KLHL13: variants seen among roughly 807,000 people sequenced by gnomAD.
KLHL13 encodes kelch like family member 13.
In KLHL13, 10 loss-of-function variants were observed where a neutral mutation model predicts 37.1. That is an observed-to-expected ratio of 0.27 (90% CI 0.17 to 0.46). The LOEUF is 0.46. Ranked by LOEUF, KLHL13 falls within the 20% of genes least tolerant of loss-of-function variation. KLHL13 has a pLI of 1.00. For missense variants in KLHL13, 360 were observed against 509.3 expected, an observed-to-expected ratio of 0.71 and a Z score of 2.82; for synonymous variants, 163 against 181.2, an observed-to-expected ratio of 0.90 and a Z score of 0.81.
chrX:117,934,431 G>A (rs926672032), intron 2 of KLHL13, among the ~76,000 whole-genome samples: 2 of 111,399 alleles, frequency 1.8e-5, no homozygotes, highest in African/African-American at 3.3e-5. Flanking sequence ...TATGTTTAGG[G>A]AATAGTGAAA....
At chrX:117,993,924 C>T (rs1363058499) in intron 1 of KLHL13, among the ~76,000 whole-genome samples, 9 of 108,726 alleles carry the variant, frequency 8.3e-5, no homozygotes, top group African/African-American at 1.3e-4. Flanking sequence ...GTAGTAGAGA[C>T]GGGGTTTCTC....
At chrX:118,089,666 G>T (rs1038719273) in intron 1 of KLHL13, among the ~76,000 whole-genome samples, 3 of 103,929 alleles carry the variant, frequency 2.9e-5, no homozygotes, top group Non-Finnish European at 6.0e-5. Context: ...AAGAAAGAAA[G>T]AAAAAAGAAA....
chrX:118,108,816 T>A (rs2148188631), intron 1 of KLHL13, among the ~76,000 whole-genome samples: 1 of 110,365 alleles, frequency 9.1e-6, no homozygotes, highest in African/African-American at 3.3e-5. Context: ...TTTTTTAGAT[T>A]TTTTTTTTGA....
intron 1 of KLHL13, among the ~76,000 whole-genome samples, chrX:118,071,966 T>C (rs1479137777): frequency 9.0e-6 from 1 of 110,750 alleles, no homozygotes; most frequent in Non-Finnish European, 1.9e-5. Context: ...CTTCACAGAA[T>C]TGGAAAAAAC....
chrX:118,035,195 C>T (rs1007657571), intron 1 of KLHL13, among the ~76,000 whole-genome samples: 1 of 105,268 alleles, frequency 9.5e-6, no homozygotes, highest in Non-Finnish European at 1.9e-5. Flanking sequence ...CCTTCTGAAA[C>T]TATTCCAATC....
intron 1 of KLHL13, among the ~76,000 whole-genome samples, chrX:118,026,153 C>G (rs2054272872): frequency 9.0e-6 from 1 of 111,438 alleles, no homozygotes; most frequent in African/African-American, 3.3e-5. Flanking sequence ...TATATATGTT[C>G]CCTTCCTACC....
intron 1 of KLHL13, among the ~76,000 whole-genome samples, chrX:118,072,786 T>C (rs2054884865): frequency 8.9e-6 from 1 of 111,921 alleles, no homozygotes; most frequent in African/African-American, 3.2e-5. Context: ...AATTGAAGCC[T>C]ATATCATGAT....
At chrX:118,098,673 C>G (rs1475296312) in intron 1 of KLHL13, among the ~76,000 whole-genome samples, 1 of 105,892 alleles carries the variant, frequency 9.4e-6, no homozygotes, top group East Asian at 2.9e-4. Flanking sequence ...TTGGAACCAA[C>G]CCAAATGTCC....
intron 1 of KLHL13, among the ~76,000 whole-genome samples, chrX:118,080,750 C>T (rs146374433): frequency 1.1e-3 from 118 of 111,815 alleles, no homozygotes; most frequent in South Asian, 6.4e-3. Flanking sequence ...TTCAGCAATC[C>T]CATTACTGGG....
intron 1 of KLHL13, among the ~76,000 whole-genome samples, chrX:117,989,772 T>TA (rs2053768023): frequency 9.0e-6 from 1 of 111,674 alleles, no homozygotes; most frequent in African/African-American, 3.3e-5. Flanking sequence ...TAGTCATGCT[T>TA]AAGTGTTCAA....
chrX:118,086,899 T>C (rs1471288574), intron 1 of KLHL13, among the ~76,000 whole-genome samples: 1 of 111,291 alleles, frequency 9.0e-6, no homozygotes, highest in Non-Finnish European at 1.9e-5. Context: ...AATGTGTTAG[T>C]CCTATATGTA....
chrX:118,035,005 A>C (rs1288423439), intron 1 of KLHL13, among the ~76,000 whole-genome samples: 4 of 94,735 alleles, frequency 4.2e-5, no homozygotes, highest in East Asian at 5.9e-4. Flanking sequence ...AAATGGATAA[A>C]TTCCTTGACA....
intron 4 of KLHL13, 73 bp downstream of exon 5, chrX:117,919,448 G>A: frequency 1.2e-6 from 1 of 838,752 alleles, no homozygotes; most frequent in Non-Finnish European, 1.8e-6. Flanking sequence ...TTCCTGCACA[G>A]CAGATTTCAT....
chrX:118,035,231 A>C (rs2054421542), intron 1 of KLHL13, among the ~76,000 whole-genome samples: 1 of 103,225 alleles, frequency 9.7e-6, no homozygotes, highest in African/African-American at 4.2e-5. Flanking sequence ...AATCCTCCCT[A>C]ACTCATTTTA....
chrX:117,962,582 T>A (rs1238045438), intron 1 of KLHL13, among the ~76,000 whole-genome samples: 1 of 111,756 alleles, frequency 8.9e-6, no homozygotes, highest in Admixed American at 9.5e-5. Flanking sequence ...GATAATTGCC[T>A]CAATATTTTC....
chrX:118,023,134 A>G (rs1185570551), intron 1 of KLHL13, among the ~76,000 whole-genome samples: 1 of 102,660 alleles, frequency 9.7e-6, no homozygotes, highest in Admixed American at 9.9e-5. Context: ...TTTATCTTCT[A>G]GGAATTGGTT....
chrX:117,983,642 A>G, intron 1 of KLHL13: 1 of 496,128 alleles, frequency 2.0e-6, no homozygotes, highest in Non-Finnish European at 3.3e-6. Flanking sequence ...TTTAGCTGTA[A>G]ATTAATAAAC....
chrX:117,966,472 T>C (rs941292864), intron 1 of KLHL13, among the ~76,000 whole-genome samples: 1 of 110,994 alleles, frequency 9.0e-6, no homozygotes, highest in African/African-American at 3.3e-5. Context: ...ATCATGAAAA[T>C]GGCCATACTG....
chrX:117,948,763 A>T (rs1358307463), intron 1 of KLHL13, among the ~76,000 whole-genome samples: 1 of 112,037 alleles, frequency 8.9e-6, no homozygotes, highest in East Asian at 2.8e-4. Context: ...CCAACCATAA[A>T]GCACAAGAGC....
Sources: gnomAD v4.1 joint callset for allele counts (sites outside exome capture counted in the v4.1 genomes callset) on GRCh38, gnomAD v4.1.1 for gene constraint, MANE v1.5 for transcripts, NCBI Gene and HGNC (gene_info 2026-07-23, HGNC 2026-07-21) for gene names.